Variants in CD44 observed in about 807,000 individuals in gnomAD.
CD44 encodes CD44 molecule (IN blood group).
A neutral mutation model predicts 88.8 loss-of-function variants in CD44; 49 were observed. The ratio of observed to expected loss-of-function variants is 0.55; its 90% CI spans 0.44 to 0.70. The LOEUF (loss-of-function observed/expected upper bound fraction) is 0.70, where lower values mean the gene tolerates loss of function less well. Ranked by LOEUF, CD44 falls within the 30% of genes least tolerant of loss-of-function variation. CD44 has a pLI of 0.00. For synonymous variants in CD44, 325 were observed against 312.3 expected (o/e 1.04, Z -0.43); for missense variants, 883 against 913.8 (o/e 0.97, Z 0.43).
intron 1 of CD44, among the ~76,000 whole-genome samples, chr11:35,158,479 C>T (rs748944957): frequency 2.5e-4 from 38 of 152,168 alleles, no homozygotes; most frequent in Non-Finnish European, 3.1e-4. Flanking sequence ...TTGTAATATA[C>T]CTATGGCTTA....
chr11:35,165,473 T>G (rs1943151120), intron 1 of CD44, among the ~76,000 whole-genome samples: 1 of 152,202 alleles, frequency 6.6e-6, no homozygotes, highest in African/African-American at 2.4e-5. Flanking sequence ...AGGCTGCTTT[T>G]GGGTGTGAAA....
Position 35,206,177 on chromosome 11 carries a change from T to C in CD44, c.1348T>C (p.Trp450Arg). 6.2e-7 allele frequency: 1 copy of C among 1,612,736 alleles called. No individual in the cohort carries two copies. The highest frequency in any genetic ancestry group is 8.5e-7 in the Non-Finnish European group (1 of 1,179,268). ...AACACCAAGCCCAGAGGACAGTTCCTGGACTGATTTCTTCAACCCAATCTC... is the reference window on the plus strand; with the variant it reads ...AACACCAAGCCCAGAGGACAGTTCCCGGACTGATTTCTTCAACCCAATCTC... ...RTTPSPEDSS[W>R]TDFFNPISHP... Residue 450 changes from tryptophan to arginine, a missense_variant, in exon 11 of 18, where the codon TGG (tryptophan) becomes CGG (arginine). Physicochemically the swap from Trp to Arg is moderately radical, Grantham distance 101 (BLOSUM62 -3). This residue lies in a region of CD44 where 631 missense variants were observed against 590.9 expected (regional missense o/e 1.07). Transcript: ENST00000428726.
chr11:35,166,876 T>C (rs113480568), intron 1 of CD44, among the ~76,000 whole-genome samples: 24 of 152,364 alleles, frequency 1.6e-4, no homozygotes, highest in African/African-American at 5.8e-4. Context: ...TGGTCTGCAC[T>C]GGGCAGCCAA....
At chr11:35,177,193 G>A (rs1944555356) in intron 2 of CD44, 1 of 152,282 alleles carries the variant, frequency 6.6e-6, no homozygotes, top group African/African-American at 2.4e-5. Context: ...ATTTTTTTTG[G>A]TTTCTCTTCT....
chr11:35,193,059 C>T (rs1946423573), intron 5 of CD44, among the ~76,000 whole-genome samples: 1 of 151,970 alleles, frequency 6.6e-6, no homozygotes, highest in Non-Finnish European at 1.5e-5. Context: ...TGTGGATTTT[C>T]CCGGGGATGC....
At position 35,221,733 on chromosome 11, in the gene CD44, G is replaced by A; in HGVS notation, c.2024+1G>A. The A allele has an allele frequency of 6.2e-7, 1 of 1,613,676 alleles. No homozygotes were observed. Among genetic ancestry groups the A allele is most frequent in the Non-Finnish European group, 8.5e-7 (1 of 1,179,560 alleles). The stretch of plus-strand genomic sequence containing the variant: ...GCATTGCAGTCAACAGTCGAAGAAG[G>A]TAAGGGGCTGTCCTGGGGGCTTTCA... On this transcript the variant is annotated splice_donor_variant, in intron 17 of 17. Coordinates refer to ENST00000428726, the MANE Select transcript of CD44 (RefSeq NM_000610.4). LOFTEE classifies it high-confidence loss of function.
chr11:35,172,751 C>T (rs1440430671), intron 1 of CD44, among the ~76,000 whole-genome samples: 1 of 152,072 alleles, frequency 6.6e-6, no homozygotes, highest in Non-Finnish European at 1.5e-5. Flanking sequence ...ATTCATGTTG[C>T]TCTGAGAGAG....
chr11:35,222,787 G>A lies in CD44; in HGVS notation c.2024+1055G>A, dbSNP rs548547786. 5.4e-5 allele frequency: 53 copies of A among 984,790 alleles called. No individual in the cohort carries two copies. The South Asian group carries it at 1.7e-3, about 31-fold the overall frequency. 61.0% of individuals were successfully genotyped at this position (984,790 alleles called of 1,614,324 possible). ...AATTCATAGGAATATTAAGCCTTTT[G>A]TAAATGTCCCTTTAGATGGTTTCTC... On this transcript the variant is annotated intron_variant, in intron 17 of 17. Transcript: ENST00000428726.
intron 1 of CD44, among the ~76,000 whole-genome samples, chr11:35,140,855 T>C (rs1362792462): frequency 2.6e-5 from 4 of 152,030 alleles, no homozygotes; most frequent in Non-Finnish European, 4.4e-5. Context: ...ACCCCATCTT[T>C]ACAAAAAATA....
intron 8 of CD44, 90 bp from the exon 9 acceptor site, chr11:35,201,581 T>G: frequency 6.6e-7 from 1 of 1,511,250 alleles, no homozygotes; most frequent in South Asian, 1.2e-5. Flanking sequence ...GGCATAGAAT[T>G]GTTAAATAGC....
chr11:35,142,710 C>A (rs1189677889), intron 1 of CD44, among the ~76,000 whole-genome samples: 3 of 152,178 alleles, frequency 2.0e-5, no homozygotes, highest in Non-Finnish European at 2.9e-5. Context: ...GGTGACAAGT[C>A]CTTGTGTGGG....
chr11:35,198,542 A>C, intron 7 of CD44: 1 of 315,222 alleles, frequency 3.2e-6, no homozygotes, highest in Non-Finnish European at 5.9e-6. Flanking sequence ...ATGACATTAA[A>C]ACAGTACAAA....
At chr11:35,193,867 G>T (rs1202703503) in intron 5 of CD44, among the ~76,000 whole-genome samples, 2 of 152,210 alleles carry the variant, frequency 1.3e-5, no homozygotes, top group African/African-American at 4.8e-5. Flanking sequence ...AGTTTTATCT[G>T]ATTTCGACAC....
At chr11:35,195,110 T>C (rs1946610634) in intron 5 of CD44, among the ~76,000 whole-genome samples, 2 of 152,218 alleles carry the variant, frequency 1.3e-5, no homozygotes, top group South Asian at 4.1e-4. Context: ...CTTAGCTCTA[T>C]ATCCCTGCAA....
Position 35,201,792 on chromosome 11 carries a change from G to A in CD44, c.1153+5G>A, listed in dbSNP as rs1326156776. ...CCCCACATTCTACAAGCACAAGTAA[G>A]CAAGATGGCGGTCGGCAGTTCTGGG... On this transcript the variant is annotated splice_donor_5th_base_variant and intron_variant, in intron 9 of 17. Transcript: ENST00000428726. The A allele has an allele frequency of 1.2e-6, 2 of 1,613,388 alleles. No individual in the cohort carries two copies. Among genetic ancestry groups the A allele is most frequent in the South Asian group, 1.1e-5 (1 of 91,036 alleles).
Position 35,190,037 on chromosome 11 carries a change from C to T in CD44, c.639C>T (p.Thr213=), listed in dbSNP as rs759698237. The part of the protein sequence containing the change: ...PIPDEDSPWI[T]DSTDRIPATT... ...CAGACGAAGACAGTCCCTGGATCAC[C>T]GACAGCACAGACAGAATCCCTGCTA... The change falls in exon 5 of 18, where the codon ACC becomes ACT. Residue 213 remains threonine (T), a synonymous_variant. Coordinates refer to ENST00000428726, the MANE Select transcript of CD44 (RefSeq NM_000610.4). 3.1e-5 allele frequency: 50 copies of T among 1,613,964 alleles called. 1 individual carries two copies. The highest frequency in any genetic ancestry group is 2.7e-4 in the South Asian group (25 of 91,082).
At chr11:35,185,447 C>T (rs907821921) in intron 3 of CD44, among the ~76,000 whole-genome samples, 2 of 152,172 alleles carry the variant, frequency 1.3e-5, no homozygotes, top group African/African-American at 4.8e-5. Flanking sequence ...CAAACAAAAC[C>T]TGTTTTGTTC....
rs752083784 is a variant in CD44, at chr11:35,201,683, A to T, written c.1049A>T (p.Asn350Ile). 2.6e-5 allele frequency: 42 copies of T among 1,613,668 alleles called. 1 individual carries two copies. The South Asian group carries it at 3.7e-4, about 14-fold the overall frequency. ...TTTRMTDVDRNGTTAYEGNWN... is the reference protein window; with the variant it reads ...TTTRMTDVDRIGTTAYEGNWN... ...ATCATCACAGCAGATGTAGACAGAA[A>T]TGGCACCACTGCTTATGAAGGAAAC... Residue 350 changes from asparagine to isoleucine, a missense_variant, in exon 9 of 18, where the codon AAT (asparagine) becomes ATT (isoleucine). Coordinates refer to ENST00000428726, the MANE Select transcript of CD44 (RefSeq NM_000610.4).
chr11:35,145,561 G>A (rs921740014), intron 1 of CD44, among the ~76,000 whole-genome samples: 3 of 152,000 alleles, frequency 2.0e-5, no homozygotes, highest in Non-Finnish European at 2.9e-5. Context: ...CTAGATAGTT[G>A]GGCTGAGAAG....
Sources: allele counts gnomAD v4.1 joint callset (sites outside exome capture counted in the v4.1 genomes callset), GRCh38; gene constraint gnomAD v4.1.1; regional missense constraint gnomAD v4.1.1; transcripts MANE v1.5; gene names NCBI Gene and HGNC (gene_info 2026-07-23, HGNC 2026-07-21).